The following FAM184B variants were observed in gnomAD, a reference collection of about 807,000 sequenced individuals.
FAM184B encodes protein FAM184B.
In FAM184B, 111 loss-of-function variants were observed where a neutral mutation model predicts 135.9. The ratio of observed to expected loss-of-function variants is 0.82; its 90% CI spans 0.70 to 0.96. The LOEUF (loss-of-function observed/expected upper bound fraction) is 0.96. FAM184B is among the 40% of genes least tolerant of loss of function. The pLI is 0.00. For missense variants in FAM184B, 1,375 were observed against 1,323.9 expected (o/e 1.04, Z -0.60); for synonymous variants, 552 against 524.8 (o/e 1.05, Z -0.71).
intron 1 of FAM184B, among the ~76,000 whole-genome samples, chr4:17,728,545 G>A (rs113340734): frequency 1.3e-3 from 202 of 152,230 alleles, no homozygotes; most frequent in African/African-American, 4.5e-3. Flanking sequence ...TCCGTCTCTC[G>A]GGGCAGTCAG....
chr4:17,677,494 T>G (rs1200491325), intron 7 of FAM184B, among the ~76,000 whole-genome samples: 1 of 152,046 alleles, frequency 6.6e-6, no homozygotes, highest in African/African-American at 2.4e-5. Context: ...AAATAGAAAC[T>G]CTGAACAGGC....
intron 11 of FAM184B, among the ~76,000 whole-genome samples, chr4:17,650,489 ATTCTT>A (rs1198794392): frequency 6.6e-5 from 10 of 152,190 alleles, no homozygotes; most frequent in South Asian, 2.1e-4. Flanking sequence ...ATCTCTCCTG[ATTCTT>A]TTCTTTGGGG....
intron 1 of FAM184B, among the ~76,000 whole-genome samples, chr4:17,715,518 G>T (rs1577273777): frequency 6.6e-6 from 1 of 151,732 alleles, no homozygotes; most frequent in South Asian, 2.1e-4. Context: ...GAAATTAATG[G>T]GGTCAAAAGA....
intron 1 of FAM184B, among the ~76,000 whole-genome samples, chr4:17,714,037 A>G (rs1717350743): frequency 6.6e-6 from 1 of 152,168 alleles, no homozygotes. Context: ...TGGGGTGGCC[A>G]ATCCCCTTTT....
chr4:17,774,455 C>A (rs1283112741), intron 1 of FAM184B, among the ~76,000 whole-genome samples: 1 of 152,150 alleles, frequency 6.6e-6, no homozygotes, highest in Non-Finnish European at 1.5e-5. Context: ...GGACACGGGC[C>A]CAGAGGCAGG....
chr4:17,672,713 C>T (rs575896693), intron 7 of FAM184B, among the ~76,000 whole-genome samples: 1 of 152,214 alleles, frequency 6.6e-6, no homozygotes, highest in African/African-American at 2.4e-5. Context: ...CATCCCTGCA[C>T]CCCTGGTATG....
Position 17,642,044 on chromosome 4 carries a change from C to A in FAM184B, c.2519+12G>T. On this transcript the variant is annotated intron_variant, in intron 13 of 17. Coordinates refer to ENST00000265018, the MANE Select transcript of FAM184B (RefSeq NM_015688.2). ...AGGGTGGCGCGGTGGCGGGGCGCGC[C>A]GGGTCACCCACCTGCGCTGGTCTCG... is the stretch of plus-strand genomic sequence containing the variant. 6.6e-7 allele frequency: 1 copy of A among 1,520,812 alleles called. No individual in the cohort carries two copies. The highest frequency in any genetic ancestry group is 2.0e-5 in the Admixed American group (1 of 49,990). 94.2% of individuals were successfully genotyped at this position (1,520,812 alleles called of 1,614,324 possible).
At chr4:17,736,475 A>T (rs910665501) in intron 1 of FAM184B, among the ~76,000 whole-genome samples, 2 of 152,198 alleles carry the variant, frequency 1.3e-5, no homozygotes, top group African/African-American at 4.8e-5. Flanking sequence ...GGGTTAAATA[A>T]GGTGGAAATG....
At chr4:17,719,772 C>T (rs576786955) in intron 1 of FAM184B, among the ~76,000 whole-genome samples, 2 of 152,296 alleles carry the variant, frequency 1.3e-5, no homozygotes, top group Non-Finnish European at 2.9e-5. Flanking sequence ...TTCTCAACTT[C>T]CCTATTCCTC....
intron 1 of FAM184B, among the ~76,000 whole-genome samples, chr4:17,743,512 A>G (rs1411614801): frequency 6.6e-6 from 1 of 152,154 alleles, no homozygotes. Flanking sequence ...ACCATCTCTC[A>G]CCAGCCATTT....
At chr4:17,724,082 T>C (rs1717589211) in intron 1 of FAM184B, among the ~76,000 whole-genome samples, 1 of 151,170 alleles carries the variant, frequency 6.6e-6, no homozygotes, top group African/African-American at 2.4e-5. Flanking sequence ...TGAAATCTTT[T>C]AAAAAGAGGG....
intron 4 of FAM184B, 91 bp from the exon 5 acceptor site, chr4:17,705,297 T>G (rs1717083656): frequency 1.0e-6 from 1 of 967,230 alleles, no homozygotes; most frequent in Non-Finnish European, 1.5e-6. Flanking sequence ...TTTACAACGT[T>G]TATACACTGT....
At chr4:17,667,122 G>A (rs868788925) in intron 7 of FAM184B, among the ~76,000 whole-genome samples, 2 of 151,768 alleles carry the variant, frequency 1.3e-5, no homozygotes, top group South Asian at 2.1e-4. Flanking sequence ...ACCATGCCTG[G>A]GTACTTTTTA....
At chr4:17,748,686 CTTTAATT>C (rs1718231542) in intron 1 of FAM184B, among the ~76,000 whole-genome samples, 1 of 151,540 alleles carries the variant, frequency 6.6e-6, no homozygotes, top group Non-Finnish European at 1.5e-5. Context: ...CCAGATAATT[CTTTAATT>C]TCTTGTAGAC....
Position 17,781,073 on chromosome 4 carries a change from G to C in FAM184B, c.141+86C>G. ...CAAAGTTTCTGTCTGGATTTGGCCC[G>C]GGCCTCCCGGGAGGCGCATCCGCAC... On this transcript the variant is annotated intron_variant, in intron 1 of 17. Coordinates refer to ENST00000265018, the MANE Select transcript of FAM184B (RefSeq NM_015688.2). This position sits in a 1 kb window ranked among gnomAD's most constrained non-coding sequence, Gnocchi z 6.5. The C allele has an allele frequency of 2.1e-6, 3 of 1,402,894 alleles. No homozygotes were observed. The highest frequency in any genetic ancestry group is 2.8e-6 in the Non-Finnish European group (3 of 1,070,134). 86.9% of individuals were successfully genotyped at this position (1,402,894 alleles called of 1,614,324 possible). A position where few individuals can be genotyped will look rare whatever the true frequency, so the allele number is the denominator to read the frequency against.
At position 17,658,507 on chromosome 4, in the gene FAM184B, AG is replaced by A. The variant is rs1300197138; in HGVS notation, c.1879del (p.Leu627CysfsTer29). On this transcript the variant is annotated frameshift_variant, in exon 10 of 18. Transcript: ENST00000265018. LOFTEE classifies it high-confidence loss of function. ...EQCTSNYRED[L>X]QALKQLSDLE... is the part of the protein sequence containing the mutation. ...GTCCGAGAGCTGCTTGAGTGCCTGC[AG>A]GTCCTCCCTGTAGTTGCTGGTGCAC... is the stretch of plus-strand genomic sequence containing the variant. The A allele has an allele frequency of 1.0e-5, 16 of 1,551,570 alleles. No individual in the cohort carries two copies. Among genetic ancestry groups the A allele is most frequent in the Middle Eastern group, 3.4e-4 (2 of 5,950 alleles).
rs1719022438 is a variant in FAM184B, at chr4:17,781,073, G to A, written c.141+86C>T. The A allele has an allele frequency of 2.1e-6, 3 of 1,402,894 alleles. No homozygotes were observed. Among genetic ancestry groups the A allele is most frequent in the South Asian group, 3.1e-5 (2 of 64,620 alleles). 86.9% of individuals were successfully genotyped at this position (1,402,894 alleles called of 1,614,324 possible). The stretch of plus-strand genomic sequence containing the variant: ...CAAAGTTTCTGTCTGGATTTGGCCC[G>A]GGCCTCCCGGGAGGCGCATCCGCAC... On this transcript the variant is annotated intron_variant, in intron 1 of 17. Coordinates refer to ENST00000265018, the MANE Select transcript of FAM184B (RefSeq NM_015688.2). The surrounding 1 kb of genome is among the most constrained non-coding windows in gnomAD (Gnocchi z 6.5).
rs1716776281 is a variant in FAM184B at position 17,693,256 on chromosome 4, G to A, written c.1488+46C>T. On this transcript the variant is annotated intron_variant, in intron 6 of 17. Coordinates refer to ENST00000265018, the MANE Select transcript of FAM184B (RefSeq NM_015688.2). ...CTTCTCAGTTAGGTAGAAGCTCCCA[G>A]GGACCAGAAACAGCACCCCAAGGCT... 8 of 1,436,756 alleles carry A rather than the reference G, an allele frequency of 5.6e-6. No individual in the cohort carries two copies. The Admixed American group carries it at 6.1e-5, about 11-fold the overall frequency. 89.0% of individuals were successfully genotyped at this position (1,436,756 alleles called of 1,614,324 possible).
At chr4:17,664,472 C>T in intron 8 of FAM184B, 90 bp downstream of exon 8, 1 of 1,052,442 alleles carries the variant, frequency 9.5e-7, no homozygotes, top group Non-Finnish European at 1.4e-6. Flanking sequence ...GTGATAAATA[C>T]TTGAGGATAG....
Sources: gnomAD v4.1 joint callset for allele counts (sites outside exome capture counted in the v4.1 genomes callset) on GRCh38, gnomAD v4.1.1 for gene constraint, Gnocchi (gnomAD v3.1) non-coding constraint, MANE v1.5 for transcripts, NCBI Gene and HGNC (gene_info 2026-07-23, HGNC 2026-07-21) for gene names.